The following PCDHGB4 variants were observed in gnomAD, a reference collection of about 807,000 sequenced individuals.
The protein encoded by PCDHGB4 is protocadherin gamma-B4.
A neutral mutation model predicts 60.5 loss-of-function variants in PCDHGB4; 38 were observed. The observed-to-expected ratio is 0.63, with a 90% CI of 0.48 to 0.82. The LOEUF is 0.82. Ranked by LOEUF, PCDHGB4 falls within the 40% of genes least tolerant of loss-of-function variation. The pLI is 0.00. For synonymous variants in PCDHGB4, 456 were observed against 509.7 expected, an observed-to-expected ratio of 0.89 and a Z score of 1.42; for missense variants, 1,109 against 1,209.6, an observed-to-expected ratio of 0.92 and a Z score of 1.23.
intron 1 of PCDHGB4, chr5:141,409,534 C>A (rs774144232): frequency 3.1e-6 from 5 of 1,613,986 alleles, no homozygotes; most frequent in Non-Finnish European, 4.2e-6. Flanking sequence ...ATGTCGCTGA[C>A]ATCAACGACA....
rs773048793 is a variant in PCDHGB4, at chr5:141,505,456, A to T, written c.2520A>T (p.Gln840His). The T allele has an allele frequency of 1.3e-5, 21 of 1,614,110 alleles. No homozygotes were observed. The highest frequency in any genetic ancestry group is 1.7e-5 in the Non-Finnish European group (20 of 1,180,044). The change falls in exon 3 of 4, where the codon CAA becomes CAT. Residue 840 changes from glutamine (Q) to histidine (H), a missense_variant. By Grantham distance (24) the Gln-to-His change is conservative (BLOSUM62 0). Coordinates refer to ENST00000519479, the MANE Select transcript of PCDHGB4 (RefSeq NM_003736.4). ...ACCAGTTTGACACAGAGATGCTGCA[A>T]GCCATGATCTTGGCGTCCGCCAGTG... ...PNNQFDTEML[Q>H]AMILASASEA...
rs773389466 is a variant in PCDHGB4, at chr5:141,388,420, C to T, written c.536C>T (p.Ser179Leu). The T allele has an allele frequency of 3.1e-6, 5 of 1,613,778 alleles. No homozygotes were observed. The South Asian group carries it at 4.4e-5, about 14-fold the overall frequency. ...NYQLSPSDHF[S>L]LINKEKSDGS... ...CAACTCAGTCCCAGTGATCATTTCT[C>T]ACTGATAAATAAAGAGAAATCAGAT... The change falls in exon 1 of 4, where the codon TCA becomes TTA. Residue 179 changes from serine (S) to leucine (L), a missense_variant. Ser to Leu is a moderately radical substitution (Grantham distance 145). This residue lies in a region of PCDHGB4 where 1,068 missense variants were observed against 1,089.9 expected (regional missense o/e 0.98). Coordinates refer to ENST00000519479, the MANE Select transcript of PCDHGB4 (RefSeq NM_003736.4).
At chr5:141,417,772 C>A (rs2240701) in intron 1 of PCDHGB4, 340,590 of 1,455,726 alleles carry the variant, frequency 0.23, 43,476 homozygotes, top group African/African-American at 0.5. Flanking sequence ...GGGACTCCTC[C>A]TGTCCTGGGC....
intron 1 of PCDHGB4, among the ~76,000 whole-genome samples, chr5:141,450,830 T>TTTA (rs1554136905): frequency 6.9e-5 from 7 of 101,548 alleles, no homozygotes; most frequent in East Asian, 2.6e-4. Flanking sequence ...ATTATTATTA[T>TTTA]TTTTTTTTTT....
Position 141,511,202 on chromosome 5 carries a change from C to A in PCDHGB4, c.*29C>A. On this transcript the variant is annotated 3_prime_UTR_variant, in exon 4 of 4. Transcript: ENST00000519479. ...GGAGGCCAGGCCAAGAGCCACAGGG[C>A]GGCCTCTCCCCAACCAGCCCAGCTT... The A allele has an allele frequency of 6.2e-7, 1 of 1,612,136 alleles. No individual in the cohort carries two copies.
At chr5:141,404,347 C>T (rs1451476815) in intron 1 of PCDHGB4, 6 of 1,613,796 alleles carry the variant, frequency 3.7e-6, no homozygotes, top group African/African-American at 2.7e-5. Context: ...CGGAAAACAA[C>T]GCCAGAGGTA....
chr5:141,501,715 C>G lies in PCDHGB4; in HGVS notation c.2457-3678C>G, dbSNP rs139761188. On this transcript the variant is annotated intron_variant, in intron 2 of 3. Coordinates refer to ENST00000519479, the MANE Select transcript of PCDHGB4 (RefSeq NM_003736.4). ...AGGGTGATTCCGAGGATAAAAAAGA[C>G]AAATATATTACCCAGTCAGCTTAGA... 1.3e-3 allele frequency among the ~76,000 whole-genome samples: 192 copies of G among 152,192 alleles called. 1 individual carries two copies. The highest frequency in any genetic ancestry group is 4.5e-3 in the African/African-American group (185 of 41,512).
rs1284989963 is a variant in PCDHGB4 at position 141,419,134 on chromosome 5, A to T, written c.2397+28853A>T. On this transcript the variant is annotated intron_variant, in intron 1 of 3. Transcript: ENST00000519479. ...AGTACAACGTCACCATCGCAGCCAC[A>T]GACAGGGGCAAGCCTCCGTTATCCT... is the stretch of plus-strand genomic sequence containing the variant. 2.5e-6 allele frequency: 4 copies of T among 1,613,826 alleles called. No individual in the cohort carries two copies. In the African/African-American group the frequency reaches 5.3e-5, roughly 22 times the overall value.
At chr5:141,481,812 C>T (rs2099545604) in intron 1 of PCDHGB4, among the ~76,000 whole-genome samples, 2 of 149,798 alleles carry the variant, frequency 1.3e-5, no homozygotes, top group South Asian at 2.1e-4. Context: ...ATTCACCAGG[C>T]GTGGTGGCTG....
chr5:141,497,540 C>CA (rs1491509812), intron 2 of PCDHGB4, among the ~76,000 whole-genome samples: 7 of 134,922 alleles, frequency 5.2e-5, no homozygotes, highest in Admixed American at 1.5e-4. Flanking sequence ...TGCAACAAAC[C>CA]TTTTTTTTTT....
chr5:141,399,213 T>C (rs2093770836), intron 1 of PCDHGB4: 1 of 1,613,852 alleles, frequency 6.2e-7, no homozygotes, highest in Non-Finnish European at 8.5e-7. Context: ...GAACACTAAT[T>C]GCTTTGATCA....
Position 141,431,135 on chromosome 5 carries a change from A to G in PCDHGB4, c.2397+40854A>G, listed in dbSNP as rs140069213. The G allele has an allele frequency of 1.5e-5, 24 of 1,614,266 alleles. No homozygotes were observed. In the African/African-American group the frequency reaches 3.1e-4, roughly 21 times the overall value. Reference sequence around the variant, plus strand: ...TGGAGTAGAAGTAGAAGTAAGGGACATTAACGACAATGCGCCTTACTTTCG... The same window carrying G: ...TGGAGTAGAAGTAGAAGTAAGGGACGTTAACGACAATGCGCCTTACTTTCG... On this transcript the variant is annotated intron_variant, in intron 1 of 3. Transcript: ENST00000519479. This position sits in a 1 kb window ranked among gnomAD's most constrained non-coding sequence, Gnocchi z 4.8.
chr5:141,422,922 C>T (rs1244444241), intron 1 of PCDHGB4: 1 of 1,614,130 alleles, frequency 6.2e-7, no homozygotes, highest in Non-Finnish European at 8.5e-7. Flanking sequence ...AGATCCTGTA[C>T]CCTGCCCTCC....
At chr5:141,422,934 C>T in intron 1 of PCDHGB4, 1 of 1,614,254 alleles carries the variant, frequency 6.2e-7, no homozygotes, top group Non-Finnish European at 8.5e-7. Context: ...CTGCCCTCCC[C>T]ACAGACGGCT....
Position 141,389,968 on chromosome 5 carries a change from C to A in PCDHGB4, c.2084C>A (p.Ala695Asp), listed in dbSNP as rs898974383. ...CAGTTTTACCTAGTGGTGGCCTTGG[C>A]CTTGATCTCAGTGCTCTTCCTCGTG... is the stretch of plus-strand genomic sequence containing the variant. ...ELQFYLVVAL[A>D]LISVLFLVAM... The change falls in exon 1 of 4, where the codon GCC becomes GAC. Residue 695 changes from alanine (A) to aspartate (D), a missense_variant. Coordinates refer to ENST00000519479, the MANE Select transcript of PCDHGB4 (RefSeq NM_003736.4). 3 of 1,613,908 alleles carry A rather than the reference C, an allele frequency of 1.9e-6. No homozygotes were observed. The highest frequency in any genetic ancestry group is 2.5e-6 in the Non-Finnish European group (3 of 1,179,892).
intron 1 of PCDHGB4, among the ~76,000 whole-genome samples, chr5:141,465,119 A>T (rs2099097382): frequency 6.6e-6 from 1 of 151,780 alleles, no homozygotes; most frequent in Non-Finnish European, 1.5e-5. Flanking sequence ...GTTTTAGCCT[A>T]AATTTGTAAA....
At chr5:141,452,527 G>A (rs1164238830) in intron 1 of PCDHGB4, among the ~76,000 whole-genome samples, 1 of 152,156 alleles carries the variant, frequency 6.6e-6, no homozygotes, top group Non-Finnish European at 1.5e-5. Flanking sequence ...TCAAAATCGT[G>A]AGTTCATATT....
rs1460175237 is a variant in PCDHGB4, at chr5:141,485,185, G to A, written c.2398-9622G>A. ...AGCGGGCGGCAGCAATGCTCCGCAAGGTGAGAAGCTGGACAGAAATCTGGC... is the reference window on the plus strand; with the variant it reads ...AGCGGGCGGCAGCAATGCTCCGCAAAGTGAGAAGCTGGACAGAAATCTGGC... On this transcript the variant is annotated intron_variant, in intron 1 of 3. Transcript: ENST00000519479. This position sits in a 1 kb window ranked among gnomAD's most constrained non-coding sequence, Gnocchi z 5.7. 3.1e-6 allele frequency: 5 copies of A among 1,613,528 alleles called. No individual in the cohort carries two copies. Among genetic ancestry groups the A allele is most frequent in the African/African-American group, 2.7e-5 (2 of 75,052 alleles).
In PCDHGB4 at chr5:141,491,927, G is replaced by A. The variant is rs1314503730; in HGVS notation, c.2398-2880G>A. 3 of 1,309,982 alleles carry A rather than the reference G, an allele frequency of 2.3e-6. No individual in the cohort carries two copies. In the African/African-American group the frequency reaches 4.5e-5, roughly 20 times the overall value. 81.1% of individuals were successfully genotyped at this position (1,309,982 alleles called of 1,614,324 possible). A position where few individuals can be genotyped will look rare whatever the true frequency, so the allele number is the denominator to read the frequency against. On this transcript the variant is annotated intron_variant, in intron 1 of 3. Coordinates refer to ENST00000519479, the MANE Select transcript of PCDHGB4 (RefSeq NM_003736.4). The surrounding 1 kb of genome is among the most constrained non-coding windows in gnomAD (Gnocchi z 6.9). ...GTGGTGGCGACTGTGGGCGAGGGGAGGTGGGACCGACCCCCACCCCTACAC... is the reference window on the plus strand; with the variant it reads ...GTGGTGGCGACTGTGGGCGAGGGGAAGTGGGACCGACCCCCACCCCTACAC...
Sources: gnomAD v4.1 joint callset for allele counts (sites outside exome capture counted in the v4.1 genomes callset) on GRCh38, gnomAD v4.1.1 for gene constraint, gnomAD v4.1.1 regional missense constraint, Gnocchi (gnomAD v3.1) non-coding constraint, MANE v1.5 for transcripts, NCBI Gene and HGNC (gene_info 2026-07-23, HGNC 2026-07-21) for gene names.